Variants in TMEM132B observed in about 807,000 individuals in gnomAD.
TMEM132B encodes transmembrane protein 132B.
TMEM132B carries 18 observed loss-of-function variants against 90.8 expected under a neutral mutation model. That is an observed-to-expected ratio of 0.20 (90% confidence interval 0.14 to 0.29). The LOEUF (loss-of-function observed/expected upper bound fraction) is 0.29, where lower values mean the gene tolerates loss of function less well. Among genes scored for constraint, TMEM132B ranks in the 10% least tolerant of loss-of-function variants. The pLI, the probability that TMEM132B is intolerant of heterozygous loss-of-function variation, is 1.00. For missense variants in TMEM132B, 1,096 were observed against 1,326.8 expected (o/e 0.83, Z 2.70); for synonymous variants, 504 against 523.3 (o/e 0.96, Z 0.50).
intron 2 of TMEM132B, among the ~76,000 whole-genome samples, chr12:125,401,471 G>A (rs560524981): frequency 3.7e-4 from 57 of 152,236 alleles, no homozygotes; most frequent in Middle Eastern, 3.4e-3. Context: ...GGGTGGTCTA[G>A]GAAAACTTCA....
At chr12:125,563,938 C>G (rs1196995692) in intron 4 of TMEM132B, among the ~76,000 whole-genome samples, 1 of 152,164 alleles carries the variant, frequency 6.6e-6, no homozygotes, top group Non-Finnish European at 1.5e-5. Flanking sequence ...TGTGGCCCTG[C>G]TGACACCCTG....
intron 1 of TMEM132B, among the ~76,000 whole-genome samples, chr12:125,226,165 G>A (rs1873676970): frequency 6.6e-6 from 1 of 152,170 alleles, no homozygotes; most frequent in Admixed American, 6.5e-5. Flanking sequence ...CCCCATCCAT[G>A]TAGTAGCTTG....
chr12:125,532,289 G>GC (rs1252191528), intron 4 of TMEM132B, among the ~76,000 whole-genome samples: 1 of 152,158 alleles, frequency 6.6e-6, no homozygotes, highest in East Asian at 1.9e-4. Flanking sequence ...GGCTTCAGCG[G>GC]CAGGGATGAG....
chr12:125,364,527 A>G (rs1300276451), intron 2 of TMEM132B, among the ~76,000 whole-genome samples: 4 of 152,128 alleles, frequency 2.6e-5, no homozygotes, highest in African/African-American at 4.8e-5. Flanking sequence ...TATGTACATT[A>G]TTAGCTAGGA....
At chr12:125,210,718 C>CT (rs1873300436) in intron 1 of TMEM132B, among the ~76,000 whole-genome samples, 1 of 152,110 alleles carries the variant, frequency 6.6e-6, no homozygotes, top group African/African-American at 2.4e-5. Context: ...AATTCCAGCA[C>CT]TTTGGGAGGC....
chr12:125,575,647 A>G (rs900422308), intron 4 of TMEM132B, among the ~76,000 whole-genome samples: 1 of 151,974 alleles, frequency 6.6e-6, no homozygotes, highest in African/African-American at 2.4e-5. Context: ...GTCTGAAGTC[A>G]TGAAGATTTA....
At position 125,490,520 on chromosome 12, in the gene TMEM132B, G is replaced by A. The variant is rs1223616579; in HGVS notation, c.1107-28919G>A. ...GCTCTGTCACCCAGGCTGGAGTGCA[G>A]TGGCTTGATCTCAGCTCACTGCAAG... On this transcript the variant is annotated intron_variant, in intron 3 of 8. Coordinates refer to ENST00000682704, the MANE Select transcript of TMEM132B (RefSeq NM_001366854.1). The surrounding 1 kb of genome is among the most constrained non-coding windows in gnomAD (Gnocchi z 4.2). Among the ~76,000 whole-genome samples, 1 of 152,072 alleles carries A rather than the reference G, an allele frequency of 6.6e-6. No homozygotes were observed. The highest frequency in any genetic ancestry group is 1.5e-5 in the Non-Finnish European group (1 of 68,008).
At chr12:125,530,123 T>A (rs548625119) in intron 4 of TMEM132B, among the ~76,000 whole-genome samples, 2 of 152,310 alleles carry the variant, frequency 1.3e-5, no homozygotes, top group East Asian at 3.9e-4. Flanking sequence ...TTATGTTGAG[T>A]GTAATATTCT....
At chr12:125,482,148 GC>G (rs1480204671) in intron 3 of TMEM132B, among the ~76,000 whole-genome samples, 1 of 151,986 alleles carries the variant, frequency 6.6e-6, no homozygotes. Context: ...AACCATAAAA[GC>G]CCTAGAAGAA....
In TMEM132B at chr12:125,359,089, T is replaced by A. The variant is rs543238832; in HGVS notation, c.959+8746T>A. ...AATGATGTGCAGCTCTCCGGAAGGA[T>A]GCTTTAAAGACAAAACAGGATCGAG... On this transcript the variant is annotated intron_variant, in intron 2 of 8. Transcript: ENST00000682704. 1.1e-4 allele frequency among the ~76,000 whole-genome samples: 16 copies of A among 152,340 alleles called. No homozygotes were observed. The South Asian group carries it at 1.7e-3, about 16-fold the overall frequency.
At chr12:125,354,639 A>G (rs1222480015) in intron 2 of TMEM132B, among the ~76,000 whole-genome samples, 5 of 152,232 alleles carry the variant, frequency 3.3e-5, no homozygotes, top group Non-Finnish European at 7.3e-5. Flanking sequence ...CCAATTCATT[A>G]TGCGTGTTTG....
At chr12:125,632,875 T>C (rs1396947901) in intron 5 of TMEM132B, among the ~76,000 whole-genome samples, 1 of 152,172 alleles carries the variant, frequency 6.6e-6, no homozygotes, top group Non-Finnish European at 1.5e-5. Context: ...GGTAATCTTC[T>C]TTGGGTTAAA....
intron 2 of TMEM132B, among the ~76,000 whole-genome samples, chr12:125,358,040 G>A (rs1446298713): frequency 6.6e-6 from 1 of 152,084 alleles, no homozygotes; most frequent in Non-Finnish European, 1.5e-5. Context: ...GTGTTTTGTG[G>A]TCGCCTATTA....
At chr12:125,399,849 A>G (rs955681197) in intron 2 of TMEM132B, among the ~76,000 whole-genome samples, 2 of 152,160 alleles carry the variant, frequency 1.3e-5, no homozygotes, top group African/African-American at 4.8e-5. Flanking sequence ...TGTAGAAGCT[A>G]TCATTTGGTT....
At chr12:125,550,352 T>C (rs66486169) in intron 4 of TMEM132B, among the ~76,000 whole-genome samples, 11,138 of 152,274 alleles carry the variant, frequency 0.073, 550 homozygotes, top group South Asian at 0.15. Flanking sequence ...GCTATTTCTA[T>C]ATTCTGTTTT....
intron 4 of TMEM132B, among the ~76,000 whole-genome samples, chr12:125,543,021 A>G (rs1462321942): frequency 6.6e-6 from 1 of 152,056 alleles, no homozygotes; most frequent in African/African-American, 2.4e-5. Context: ...CCAGAATATG[A>G]CCCTTATTCA....
intron 4 of TMEM132B, among the ~76,000 whole-genome samples, chr12:125,543,170 T>C (rs1883999753): frequency 1.3e-5 from 2 of 152,342 alleles, no homozygotes; most frequent in South Asian, 4.1e-4. Flanking sequence ...CCAGACAGTC[T>C]CTGTCAATGT....
chr12:125,232,415 G>GA (rs1176350841), intron 1 of TMEM132B, among the ~76,000 whole-genome samples: 3 of 150,524 alleles, frequency 2.0e-5, no homozygotes, highest in Non-Finnish European at 4.4e-5. Flanking sequence ...ATATCTTCTT[G>GA]AAAAAAAATA....
chr12:125,256,899 TAC>T (rs1874450617), intron 1 of TMEM132B, among the ~76,000 whole-genome samples: 1 of 152,208 alleles, frequency 6.6e-6, no homozygotes, highest in Non-Finnish European at 1.5e-5. Context: ...GGGGGCTCTT[TAC>T]ACAGAGATTT....
Sources: gnomAD v4.1 joint callset for allele counts (sites outside exome capture counted in the v4.1 genomes callset) on GRCh38, gnomAD v4.1.1 for gene constraint, Gnocchi (gnomAD v3.1) non-coding constraint, MANE v1.5 for transcripts, NCBI Gene and HGNC (gene_info 2026-07-23, HGNC 2026-07-21) for gene names.